The following SECISBP2L variants were observed in gnomAD, a reference collection of about 807,000 sequenced individuals.
SECISBP2L encodes SECIS binding protein 2 like.
Under a neutral mutation model 114.7 loss-of-function variants are expected in SECISBP2L, and 43 were observed. The observed-to-expected ratio is 0.38, with a 90% CI of 0.29 to 0.48. The LOEUF is 0.48. SECISBP2L is among the 20% of genes least tolerant of loss of function. SECISBP2L has a pLI of 0.98. For missense variants in SECISBP2L, 1,136 were observed against 1,301.1 expected (o/e 0.87, Z 1.95); for synonymous variants, 451 against 439.7 (o/e 1.03, Z -0.32).
intron 7 of SECISBP2L, among the ~76,000 whole-genome samples, chr15:49,023,141 A>G (rs1902674762): frequency 6.6e-6 from 1 of 152,216 alleles, no homozygotes. Flanking sequence ...TAAAAAATAA[A>G]AAGGAAAACC....
chr15:49,011,709 G>GTT, intron 13 of SECISBP2L, 22 bp downstream of exon 13: 1 of 1,613,156 alleles, frequency 6.2e-7, no homozygotes, highest in Non-Finnish European at 8.5e-7. Context: ...CATGAGAAGA[G>GTT]GAGAAAGGGG....
intron 14 of SECISBP2L, among the ~76,000 whole-genome samples, chr15:49,006,644 T>C (rs1168834224): frequency 6.6e-6 from 1 of 152,170 alleles, no homozygotes; most frequent in Non-Finnish European, 1.5e-5. Context: ...TAGTTAGCAA[T>C]TCCTCTAACC....
rs1407503008 is a variant in SECISBP2L, at chr15:48,990,338, C to T, written c.*1906G>A. 1 of 152,502 alleles carries T rather than the reference C, an allele frequency of 6.6e-6. No homozygotes were observed. Among genetic ancestry groups the T allele is most frequent in the Non-Finnish European group, 1.5e-5 (1 of 68,020 alleles). 9.4% of individuals were successfully genotyped at this position (152,502 alleles called of 1,614,324 possible). A position where few individuals can be genotyped will look rare whatever the true frequency, so the allele number is the denominator to read the frequency against. The stretch of plus-strand genomic sequence containing the variant: ...ACTGTCAGTAGTTCAAAACCTCTAT[C>T]ATTTCTTTAAACCAACGAACACTTC... On this transcript the variant is annotated 3_prime_UTR_variant, in exon 18 of 18. Coordinates refer to ENST00000559471, the MANE Select transcript of SECISBP2L (RefSeq NM_001193489.2).
intron 3 of SECISBP2L, among the ~76,000 whole-genome samples, chr15:49,035,092 G>C (rs1902978017): frequency 6.6e-6 from 1 of 152,094 alleles, no homozygotes; most frequent in Non-Finnish European, 1.5e-5. Context: ...TCTGCCTTAT[G>C]TTATGTAAAA....
At position 49,019,454 on chromosome 15, in the gene SECISBP2L, A is replaced by G. The variant is rs192860722; in HGVS notation, c.1134T>C (p.His378=). The change falls in exon 8 of 18, where the codon CAT becomes CAC. Residue 378 remains histidine, a synonymous_variant. Coordinates refer to ENST00000559471, the MANE Select transcript of SECISBP2L (RefSeq NM_001193489.2). ...DNKHLSSSQS[H]RSDPNSESLY... ...AAGACTCAGAATTTGGATCGCTTCT[A>G]TGGGATTGACTAGAGCTTAAATGCT... The G allele has an allele frequency of 3.5e-3, 5,228 of 1,490,124 alleles. 20 individuals carry two copies. The highest frequency in any genetic ancestry group is 4.2e-3 in the Non-Finnish European group (4,716 of 1,129,278). 92.3% of individuals were successfully genotyped at this position (1,490,124 alleles called of 1,614,324 possible). A position where few individuals can be genotyped will look rare whatever the true frequency, so the allele number is the denominator to read the frequency against.
chr15:49,046,170 C>A (rs961861092), intron 1 of SECISBP2L, 106 bp downstream of exon 1: 3 of 1,341,514 alleles, frequency 2.2e-6, no homozygotes, highest in South Asian at 1.3e-5. Flanking sequence ...GGGTCTGCGG[C>A]CGCAGGACCG....
At chr15:49,029,024 G>A (rs1484959748) in intron 4 of SECISBP2L, among the ~76,000 whole-genome samples, 1 of 151,836 alleles carries the variant, frequency 6.6e-6, no homozygotes, top group African/African-American at 2.4e-5. Flanking sequence ...ACCACACCAG[G>A]GTTATTTTTT....
chr15:49,045,188 A>C (rs1197424242), intron 1 of SECISBP2L, among the ~76,000 whole-genome samples: 1 of 152,098 alleles, frequency 6.6e-6, no homozygotes, highest in African/African-American at 2.4e-5. Flanking sequence ...TTTTTTTAAA[A>C]AAAAAAGTCT....
At position 49,028,169 on chromosome 15, in the gene SECISBP2L, C is replaced by T. The variant is rs754782728; in HGVS notation, c.895-1G>A. On this transcript the variant is annotated splice_acceptor_variant, in intron 5 of 17. Transcript: ENST00000559471. LOFTEE classifies it high-confidence loss of function. Reference sequence around the variant, plus strand: ...CTGCACACATAGATGATTCCACATGCTAAAAAAAGAAACAAAAAGACAATT... The same window carrying T: ...CTGCACACATAGATGATTCCACATGTTAAAAAAAGAAACAAAAAGACAATT... 6.3e-7 allele frequency: 1 copy of T among 1,575,564 alleles called. No homozygotes were observed. Among genetic ancestry groups the T allele is most frequent in the Non-Finnish European group, 8.6e-7 (1 of 1,160,786 alleles).
chr15:49,019,262 C>A (rs1433272124), intron 8 of SECISBP2L, among the ~76,000 whole-genome samples, 156 bp downstream of exon 8: 1 of 151,956 alleles, frequency 6.6e-6, no homozygotes, highest in Non-Finnish European at 1.5e-5. Flanking sequence ...ATAACCAAGA[C>A]AAAAATGAGT....
At position 48,992,626 on chromosome 15, in the gene SECISBP2L, G is replaced by C; in HGVS notation, c.2924C>G (p.Ser975Cys). 6.2e-7 allele frequency: 1 copy of C among 1,614,142 alleles called. No homozygotes were observed. The highest frequency in any genetic ancestry group is 8.5e-7 in the Non-Finnish European group (1 of 1,180,022). ...AAGAGTGCTGGTGGTGCTGGTGATGGAGGAATTCAAAAGATCTCGGCAACT... is the reference window on the plus strand; with the variant it reads ...AAGAGTGCTGGTGGTGCTGGTGATGCAGGAATTCAAAAGATCTCGGCAACT... Reference protein sequence around the residue: ...DGSCRDLLNSSITSTTSTLVP... With the variant: ...DGSCRDLLNSCITSTTSTLVP... The change falls in exon 18 of 18, where the codon TCC becomes TGC. Residue 975 changes from serine to cysteine, a missense_variant. Transcript: ENST00000559471.
At chr15:49,019,361 A>C (rs1902596961) in intron 8 of SECISBP2L, 57 bp downstream of exon 8, 2 of 1,274,550 alleles carry the variant, frequency 1.6e-6, no homozygotes, top group Non-Finnish European at 2.0e-6. Flanking sequence ...TAACAAATTA[A>C]TTTCTTAATG....
chr15:49,040,046 G>A (rs1903091946), intron 1 of SECISBP2L, among the ~76,000 whole-genome samples: 1 of 151,760 alleles, frequency 6.6e-6, no homozygotes. Flanking sequence ...AATTACTTTG[G>A]TAGCAATACA....
intron 7 of SECISBP2L, among the ~76,000 whole-genome samples, chr15:49,019,939 A>C (rs1256055131): frequency 6.6e-6 from 1 of 152,214 alleles, no homozygotes; most frequent in African/African-American, 2.4e-5. Context: ...TAAACTCAAC[A>C]ACCAGAGAAC....
intron 8 of SECISBP2L, 62 bp downstream of exon 8, chr15:49,019,356 A>G (rs1220952133): frequency 1.6e-6 from 2 of 1,259,892 alleles, no homozygotes; most frequent in Non-Finnish European, 2.0e-6. Flanking sequence ...CAATGTAACA[A>G]ATTAATTTCT....
chr15:49,019,373 G>A (rs1471127128), intron 8 of SECISBP2L, 45 bp downstream of exon 8: 3 of 1,310,660 alleles, frequency 2.3e-6, no homozygotes, highest in African/African-American at 1.5e-5. Flanking sequence ...TTCTTAATGG[G>A]AACATTTCCT....
intron 1 of SECISBP2L, 53 bp downstream of exon 1, chr15:49,046,223 G>A (rs1278484223): frequency 4.7e-5 from 74 of 1,561,256 alleles, no homozygotes; most frequent in Non-Finnish European, 6.3e-5. Flanking sequence ...TGGCCTGTGA[G>A]GAAGCGGCGA....
intron 17 of SECISBP2L, among the ~76,000 whole-genome samples, chr15:48,993,662 A>G (rs1902034461): frequency 6.6e-6 from 1 of 151,012 alleles, no homozygotes; most frequent in Non-Finnish European, 1.5e-5. Context: ...ATGCATTTCT[A>G]ACATCTGTGA....
rs1902768192 is a variant in SECISBP2L, at chr15:49,027,475, C to T, written c.925G>A (p.Val309Ile). ...HVESSMCAGG[V>I]NWSNVTCQAT... ...TGGCAAGTTACATTGGACCAATTTACACCACCTATAACAAATGAAATTTTA... is the reference window on the plus strand; with the variant it reads ...TGGCAAGTTACATTGGACCAATTTATACCACCTATAACAAATGAAATTTTA... The change falls in exon 7 of 18, where the codon GTA becomes ATA. Residue 309 changes from valine to isoleucine, a missense_variant. Physicochemically the swap from Val to Ile is conservative, Grantham distance 29. Coordinates refer to ENST00000559471, the MANE Select transcript of SECISBP2L (RefSeq NM_001193489.2). 3 of 1,592,174 alleles carry T rather than the reference C, an allele frequency of 1.9e-6. No homozygotes were observed. Among genetic ancestry groups the T allele is most frequent in the South Asian group, 1.1e-5 (1 of 88,944 alleles).
Sources: gnomAD v4.1 joint callset for allele counts (sites outside exome capture counted in the v4.1 genomes callset) on GRCh38, gnomAD v4.1.1 for gene constraint, MANE v1.5 for transcripts, NCBI Gene and HGNC (gene_info 2026-07-23, HGNC 2026-07-21) for gene names.